The following FOXP2 variants were observed in gnomAD, a reference collection of about 807,000 sequenced individuals.
FOXP2 encodes forkhead box protein P2.
A neutral mutation model predicts 115.8 loss-of-function variants in FOXP2; 12 were observed. That is an observed-to-expected ratio of 0.10 (90% CI 0.07 to 0.17). The LOEUF is 0.17. FOXP2 is among the 10% of genes least tolerant of loss of function. FOXP2 has a pLI of 1.00. For synonymous variants in FOXP2, 328 were observed against 297.7 expected (o/e 1.10, Z -1.05); for missense variants, 629 against 843.5 (o/e 0.75, Z 3.15).
At chr7:114,404,221 T>A (rs1792962713) in intron 2 of FOXP2, among the ~76,000 whole-genome samples, 1 of 152,164 alleles carries the variant, frequency 6.6e-6, no homozygotes, top group Non-Finnish European at 1.5e-5. Context: ...TTTAGTCTAG[T>A]TGACTTAGAG....
intron 3 of FOXP2, among the ~76,000 whole-genome samples, chr7:114,555,605 T>G (rs1047678559): frequency 1.3e-5 from 2 of 152,132 alleles, no homozygotes; most frequent in Non-Finnish European, 2.9e-5. Flanking sequence ...GAGACCAGCC[T>G]GACCAACATG....
At chr7:114,108,358 C>T (rs544733692) in intron 1 of FOXP2, among the ~76,000 whole-genome samples, 1 of 151,822 alleles carries the variant, frequency 6.6e-6, no homozygotes, top group African/African-American at 2.4e-5. Flanking sequence ...ATCTTCTTTC[C>T]ATATTCAGAG....
At chr7:114,112,929 T>C (rs1022537586) in intron 1 of FOXP2, among the ~76,000 whole-genome samples, 3 of 152,148 alleles carry the variant, frequency 2.0e-5, no homozygotes, top group African/African-American at 7.2e-5. Flanking sequence ...GTTGTCTTCA[T>C]AAAGAGTGAC....
At chr7:114,653,475 G>A in intron 9 of FOXP2, 1 of 244,396 alleles carries the variant, frequency 4.1e-6, no homozygotes, top group Non-Finnish European at 8.2e-6. Flanking sequence ...GATTGCAGGG[G>A]GCACTAACTG....
chr7:114,176,601 A>G (rs1176792126), intron 1 of FOXP2, among the ~76,000 whole-genome samples: 1 of 151,332 alleles, frequency 6.6e-6, no homozygotes, highest in Non-Finnish European at 1.5e-5. Context: ...TTGGCCTCCC[A>G]GAGTGTTGGG....
At chr7:114,248,205 A>T (rs1030868868) in intron 1 of FOXP2, among the ~76,000 whole-genome samples, 6 of 147,124 alleles carry the variant, frequency 4.1e-5, no homozygotes, top group African/African-American at 1.5e-4. Context: ...AGAGAGAGAG[A>T]GAGAGAGACA....
At chr7:114,623,522 T>C (rs1325639270) in intron 3 of FOXP2, among the ~76,000 whole-genome samples, 5 of 151,926 alleles carry the variant, frequency 3.3e-5, no homozygotes, top group Admixed American at 3.3e-4. Context: ...CAGAGTGAGA[T>C]TAGAAGTTGC....
intron 3 of FOXP2, among the ~76,000 whole-genome samples, chr7:114,599,343 T>C (rs1429250756): frequency 6.6e-6 from 1 of 152,192 alleles, no homozygotes; most frequent in Non-Finnish European, 1.5e-5. Context: ...TGTCTTTTCC[T>C]TTATTATTAC....
At chr7:114,133,532 A>G (rs1311066047) in intron 1 of FOXP2, among the ~76,000 whole-genome samples, 1 of 152,236 alleles carries the variant, frequency 6.6e-6, no homozygotes, top group Non-Finnish European at 1.5e-5. Flanking sequence ...CACTGTTGAT[A>G]TTTTGAGTAA....
intron 3 of FOXP2, among the ~76,000 whole-genome samples, chr7:114,538,576 G>T (rs1799505528): frequency 6.6e-6 from 1 of 151,598 alleles, no homozygotes. Flanking sequence ...AAACTTGGGG[G>T]TCTTATTCTG....
intron 2 of FOXP2, among the ~76,000 whole-genome samples, chr7:114,339,243 G>A (rs1791134162): frequency 6.6e-6 from 1 of 151,138 alleles, no homozygotes; most frequent in African/African-American, 2.4e-5. Context: ...CTAAGAGCAT[G>A]ATTTTGTCTT....
chr7:114,592,054 A>G (rs1461090712), intron 3 of FOXP2, among the ~76,000 whole-genome samples: 1 of 152,088 alleles, frequency 6.6e-6, no homozygotes, highest in East Asian at 1.9e-4. Flanking sequence ...CTGACGCACT[A>G]TTTCTTAAAT....
At chr7:114,225,403 A>G (rs1224741417) in intron 1 of FOXP2, among the ~76,000 whole-genome samples, 1 of 151,558 alleles carries the variant, frequency 6.6e-6, no homozygotes, top group Admixed American at 6.6e-5. Context: ...GAGTAAGCAC[A>G]TATTTTTCTA....
chr7:114,446,012 G>A (rs1794820255), intron 2 of FOXP2, among the ~76,000 whole-genome samples: 1 of 150,464 alleles, frequency 6.6e-6, no homozygotes. Flanking sequence ...ATAATATACT[G>A]AATTAATTAG....
chr7:114,584,537 CT>C (rs1267673392), intron 3 of FOXP2, among the ~76,000 whole-genome samples: 1 of 152,120 alleles, frequency 6.6e-6, no homozygotes, highest in Admixed American at 6.6e-5. Context: ...TAAATTTTTT[CT>C]TCTGTTTGTC....
intron 1 of FOXP2, among the ~76,000 whole-genome samples, chr7:114,200,574 G>T (rs900165302): frequency 1.3e-5 from 2 of 152,048 alleles, no homozygotes; most frequent in Admixed American, 6.6e-5. Context: ...CCTAGTTGTG[G>T]GACAGTTTAG....
At chr7:114,293,904 C>G (rs193110364) in intron 2 of FOXP2, among the ~76,000 whole-genome samples, 144 of 152,182 alleles carry the variant, frequency 9.5e-4, no homozygotes, top group African/African-American at 3.4e-3. Context: ...TGGTTTTGTT[C>G]TAAACTGCTA....
Position 114,426,539 on chromosome 7 carries a change from A to G in FOXP2, c.28A>G (p.Ile10Val). 1.9e-6 allele frequency: 3 copies of G among 1,611,298 alleles called. No homozygotes were observed. The highest frequency in any genetic ancestry group is 2.5e-6 in the Non-Finnish European group (3 of 1,178,156). MMQESATET[I>V]SNSSMNQNGM... ...GATGCAGGAATCTGCGACAGAGACA[A>G]TAAGCAACAGTTCAATGAATCAAAA... The change falls in exon 2 of 17, where the codon ATA becomes GTA. Residue 10 changes from isoleucine to valine, a missense_variant. By Grantham distance (29) the Ile-to-Val change is conservative (BLOSUM62 3). This residue lies in a region of FOXP2 where 91 missense variants were observed against 98.3 expected (regional missense o/e 0.93). Transcript: ENST00000350908.
chr7:114,431,038 T>C (rs1370214887), intron 2 of FOXP2, among the ~76,000 whole-genome samples: 2 of 151,948 alleles, frequency 1.3e-5, no homozygotes, highest in South Asian at 4.1e-4. Flanking sequence ...CTATTTACTA[T>C]GCAGTGTTGT....
Sources: allele counts gnomAD v4.1 joint callset (sites outside exome capture counted in the v4.1 genomes callset), GRCh38; gene constraint gnomAD v4.1.1; regional missense constraint gnomAD v4.1.1; transcripts MANE v1.5; gene names NCBI Gene and HGNC (gene_info 2026-07-23, HGNC 2026-07-21).